ZNF407: variants seen among roughly 807,000 people sequenced by gnomAD.
ZNF407 encodes the protein zinc finger protein 407.
In ZNF407, 17 loss-of-function variants were observed where a neutral mutation model predicts 131.2. The observed-to-expected ratio is 0.13, with a 90% CI of 0.09 to 0.19. The LOEUF (loss-of-function observed/expected upper bound fraction) is 0.19, where lower values mean the gene tolerates loss of function less well. Among genes scored for constraint, ZNF407 ranks in the 10% least tolerant of loss-of-function variants. ZNF407 has a pLI of 1.00. For synonymous variants in ZNF407, 1,156 were observed against 1,062.0 expected, an observed-to-expected ratio of 1.09 and a Z score of -1.72; for missense variants, 2,681 against 2,830.6, an observed-to-expected ratio of 0.95 and a Z score of 1.20.
At chr18:74,828,036 C>T (rs553615003) in intron 4 of ZNF407, among the ~76,000 whole-genome samples, 1 of 152,172 alleles carries the variant, frequency 6.6e-6, no homozygotes, top group Non-Finnish European at 1.5e-5. Context: ...TACTCAGGTG[C>T]TCCCTTCTCC....
At chr18:75,004,790 T>C (rs1972888517) in intron 8 of ZNF407, among the ~76,000 whole-genome samples, 1 of 152,224 alleles carries the variant, frequency 6.6e-6, no homozygotes, top group Admixed American at 6.5e-5. Context: ...TGTTTTACTT[T>C]ATGTTGCAAA....
Position 74,627,094 on chromosome 18 carries a change from G to A in ZNF407, c.-53-3873G>A, listed in dbSNP as rs965041574. ...ACCTAGTGTGTTCATCTCAGGAATC[G>A]CTGTCCTTTGGTGTCTGATGTCGAC... On this transcript the variant is annotated intron_variant, in intron 1 of 8. Coordinates refer to ENST00000299687, the MANE Select transcript of ZNF407 (RefSeq NM_017757.3). Among the ~76,000 whole-genome samples the A allele has an allele frequency of 1.1e-4, 16 of 152,248 alleles. 1 individual carries two copies. Among genetic ancestry groups the A allele is most frequent in the African/African-American group, 3.4e-4 (14 of 41,534 alleles).
At chr18:74,789,815 G>C (rs1969791334) in intron 4 of ZNF407, among the ~76,000 whole-genome samples, 1 of 147,060 alleles carries the variant, frequency 6.8e-6, no homozygotes, top group Admixed American at 6.7e-5. Flanking sequence ...TTTTAATCCT[G>C]TTTTATTTTG....
chr18:74,738,117 GT>G (rs1968459859), intron 3 of ZNF407, among the ~76,000 whole-genome samples: 1 of 152,022 alleles, frequency 6.6e-6, no homozygotes, highest in Non-Finnish European at 1.5e-5. Context: ...TATATTCACT[GT>G]TCAATTAAAA....
chr18:74,696,084 C>G (rs1177036276), intron 3 of ZNF407, among the ~76,000 whole-genome samples: 1 of 152,092 alleles, frequency 6.6e-6, no homozygotes, highest in East Asian at 1.9e-4. Context: ...CTTTACAGTC[C>G]AATCACTGTA....
At chr18:74,866,681 A>AATAT (rs111356394) in intron 4 of ZNF407, among the ~76,000 whole-genome samples, 5 of 150,912 alleles carry the variant, frequency 3.3e-5, no homozygotes, top group African/African-American at 1.2e-4. Flanking sequence ...TGTGAGAAAT[A>AATAT]ATATATATAT....
chr18:74,807,915 C>A (rs2145083301), intron 4 of ZNF407, among the ~76,000 whole-genome samples: 1 of 152,180 alleles, frequency 6.6e-6, no homozygotes, highest in East Asian at 1.9e-4. Context: ...TGAGGTCTTA[C>A]TATGTTTAGC....
chr18:75,013,811 TTA>T (rs1180595684), intron 8 of ZNF407, among the ~76,000 whole-genome samples: 2 of 152,154 alleles, frequency 1.3e-5, no homozygotes, highest in Non-Finnish European at 2.9e-5. Context: ...ACTGCTTGCC[TTA>T]TGTTTTTATC....
chr18:75,017,381 G>T lies in ZNF407; in HGVS notation c.5429-45769G>T, dbSNP rs1973057019. Among the ~76,000 whole-genome samples, 4 of 152,102 alleles carry T rather than the reference G, an allele frequency of 2.6e-5. No individual in the cohort carries two copies. The South Asian group carries it at 8.3e-4, about 31-fold the overall frequency. ...TAATATATGTCAGCTTAAGGAAAGT[G>T]TGGAAAAATTTTTCCAATCCCCACA... On this transcript the variant is annotated intron_variant, in intron 8 of 8. Transcript: ENST00000299687.
At chr18:74,890,646 C>G (rs1373989160) in intron 7 of ZNF407, among the ~76,000 whole-genome samples, 4 of 152,116 alleles carry the variant, frequency 2.6e-5, no homozygotes, top group Non-Finnish European at 2.9e-5. Flanking sequence ...GTATAGCACT[C>G]ATTTATGGCA....
chr18:74,678,117 G>A lies in ZNF407; in HGVS notation c.4802+36995G>A, dbSNP rs149829676. The stretch of plus-strand genomic sequence containing the variant: ...ATTACAGGCGTGAGCCACTGCACTC[G>A]GCCTCGTTATTTATTTTTTTAATGT... On this transcript the variant is annotated intron_variant, in intron 3 of 8. Coordinates refer to ENST00000299687, the MANE Select transcript of ZNF407 (RefSeq NM_017757.3). Among the ~76,000 whole-genome samples the A allele has an allele frequency of 5.9e-5, 9 of 152,212 alleles. No homozygotes were observed. The East Asian group carries it at 7.7e-4, about 13-fold the overall frequency.
chr18:74,829,368 G>A (rs560996053), intron 4 of ZNF407, among the ~76,000 whole-genome samples: 22 of 152,230 alleles, frequency 1.4e-4, no homozygotes, highest in East Asian at 7.7e-4. Context: ...ATCAAAAACC[G>A]CCCATTTTAA....
intron 3 of ZNF407, among the ~76,000 whole-genome samples, chr18:74,681,556 T>C (rs1361561687): frequency 1.3e-5 from 2 of 152,180 alleles, no homozygotes; most frequent in Non-Finnish European, 2.9e-5. Context: ...TCTAGATACA[T>C]ACATTCTGAA....
intron 7 of ZNF407, among the ~76,000 whole-genome samples, chr18:74,915,277 A>G (rs1971732022): frequency 6.6e-6 from 1 of 151,920 alleles, no homozygotes; most frequent in South Asian, 2.1e-4. Context: ...TTTTCACCCA[A>G]GGTATCTGCT....
At chr18:74,879,248 G>A (rs1441569129) in intron 5 of ZNF407, among the ~76,000 whole-genome samples, 4 of 152,126 alleles carry the variant, frequency 2.6e-5, no homozygotes, top group Non-Finnish European at 5.9e-5. Flanking sequence ...TGACAGAAAG[G>A]AAGAATACTT....
At position 74,632,143 on chromosome 18, in the gene ZNF407, C is replaced by T. The variant is rs1984131547; in HGVS notation, c.1124C>T (p.Pro375Leu). ...HVTSLGLAQN[P>L]ENQSRKLDTL... ...ACTTCCCTTGGTCTAGCTCAGAATCCTGAAAACCAGAGTAGAAAGCTAGAC... is the reference window on the plus strand; with the variant it reads ...ACTTCCCTTGGTCTAGCTCAGAATCTTGAAAACCAGAGTAGAAAGCTAGAC... The change falls in exon 2 of 9, where the codon CCT (proline) becomes CTT (leucine). Residue 375 changes from proline to leucine, a missense_variant. Coordinates refer to ENST00000299687, the MANE Select transcript of ZNF407 (RefSeq NM_017757.3). The T allele has an allele frequency of 2.5e-6, 4 of 1,613,808 alleles. No homozygotes were observed. In the South Asian group the frequency reaches 4.4e-5, roughly 18 times the overall value.
At chr18:74,941,286 C>G (rs919718358) in intron 8 of ZNF407, among the ~76,000 whole-genome samples, 1 of 152,176 alleles carries the variant, frequency 6.6e-6, no homozygotes, top group Admixed American at 6.5e-5. Flanking sequence ...TTGAGGGTGT[C>G]TGAAGTCGGT....
Position 75,063,152 on chromosome 18 carries a change from A to C in ZNF407, c.5431A>C (p.Ile1811Leu), listed in dbSNP as rs1189892037. ...TAACTGGTCCCTGTCTCCCTTAGGC[A>C]TTGTTTCCAAGTCGTACGAGTGCCG... The part of the protein sequence containing the change: ...NPDLAYLHAG[I>L]VSKSYECRLK... The change falls in exon 9 of 9, where the codon ATT becomes CTT. Residue 1811 changes from isoleucine (I) to leucine (L), a missense_variant and splice_region_variant. This residue lies in a region of ZNF407 where 39 missense variants were observed against 91.8 expected (regional missense o/e 0.42). Coordinates refer to ENST00000299687, the MANE Select transcript of ZNF407 (RefSeq NM_017757.3). This position sits in a 1 kb window ranked among gnomAD's most constrained non-coding sequence, Gnocchi z 6.6. The C allele has an allele frequency of 6.4e-7, 1 of 1,571,878 alleles. No homozygotes were observed. The highest frequency in any genetic ancestry group is 1.9e-5 in the Admixed American group (1 of 53,224).
chr18:74,886,713 A>T (rs1971315188), intron 6 of ZNF407, among the ~76,000 whole-genome samples: 1 of 152,228 alleles, frequency 6.6e-6, no homozygotes, highest in Non-Finnish European at 1.5e-5. Flanking sequence ...TATAATAGTG[A>T]CAGAAAGCAT....
Sources: allele counts gnomAD v4.1 joint callset (sites outside exome capture counted in the v4.1 genomes callset), GRCh38; gene constraint gnomAD v4.1.1; regional missense constraint gnomAD v4.1.1; non-coding constraint Gnocchi (gnomAD v3.1); transcripts MANE v1.5; gene names NCBI Gene and HGNC (gene_info 2026-07-23, HGNC 2026-07-21).